Variants in CHSY3 observed in about 807,000 individuals in gnomAD.
CHSY3 encodes the protein N-acetylgalactosaminyl-proteoglycan 3-beta-glucuronosyltransferase 3.
A neutral mutation model predicts 67.2 loss-of-function variants in CHSY3; 35 were observed. That is an observed-to-expected ratio of 0.52 (90% CI 0.40 to 0.69). The LOEUF is 0.69. Ranked by LOEUF, CHSY3 falls within the 30% of genes least tolerant of loss-of-function variation. The pLI, the probability that CHSY3 is intolerant of heterozygous loss-of-function variation, is 0.00. For synonymous variants in CHSY3, 474 were observed against 434.7 expected, an observed-to-expected ratio of 1.09 and a Z score of -1.12; for missense variants, 1,069 against 1,138.5, an observed-to-expected ratio of 0.94 and a Z score of 0.88.
chr5:130,152,969 G>C (rs1421809873), intron 2 of CHSY3, among the ~76,000 whole-genome samples: 1 of 152,166 alleles, frequency 6.6e-6, no homozygotes, highest in Non-Finnish European at 1.5e-5. Context: ...GCTCACACCT[G>C]TAATCAGTCC....
intron 2 of CHSY3, among the ~76,000 whole-genome samples, chr5:130,083,845 T>C (rs1428268550): frequency 6.6e-6 from 1 of 151,984 alleles, no homozygotes; most frequent in Non-Finnish European, 1.5e-5. Flanking sequence ...TTGAGAAGTA[T>C]ACATTTTTTT....
rs55840508 is a variant in CHSY3, at chr5:130,002,788, T to A, written c.1086+94428T>A. On this transcript the variant is annotated intron_variant, in intron 2 of 2. Coordinates refer to ENST00000305031, the MANE Select transcript of CHSY3 (RefSeq NM_175856.5). Reference sequence around the variant, plus strand: ...TAAATATACACAATAAATATTATTTTAAAAAAATAATTAACAGGTATTAAG... The same window carrying A: ...TAAATATACACAATAAATATTATTTAAAAAAAATAATTAACAGGTATTAAG... 7.8e-3 allele frequency among the ~76,000 whole-genome samples: 1,193 copies of A among 152,196 alleles called. 13 individuals are homozygous for A. Among genetic ancestry groups the A allele is most frequent in the African/African-American group, 0.027 (1,133 of 41,544 alleles).
At chr5:130,034,278 T>C (rs1356610043) in intron 2 of CHSY3, among the ~76,000 whole-genome samples, 1 of 152,138 alleles carries the variant, frequency 6.6e-6, no homozygotes, top group African/African-American at 2.4e-5. Flanking sequence ...TAATAGGCTT[T>C]TAGCTATTAA....
At chr5:130,027,929 C>A (rs1002838690) in intron 2 of CHSY3, among the ~76,000 whole-genome samples, 19 of 152,126 alleles carry the variant, frequency 1.2e-4, no homozygotes, top group Non-Finnish European at 2.2e-4. Context: ...CTGCAATAAA[C>A]ATATGTGTGC....
chr5:129,971,133 AG>A (rs1346567991), intron 2 of CHSY3, among the ~76,000 whole-genome samples: 1 of 151,858 alleles, frequency 6.6e-6, no homozygotes, highest in East Asian at 1.9e-4. Flanking sequence ...TGAAAGTGAC[AG>A]GTTTTCAGGA....
rs570736957 is a variant in CHSY3, at chr5:130,181,851, CA to C, written c.1087-2376del. On this transcript the variant is annotated intron_variant, in intron 2 of 2. Coordinates refer to ENST00000305031, the MANE Select transcript of CHSY3 (RefSeq NM_175856.5). ...ATCCATGTTGTTGCAAGTAGTATTT[CA>C]AGTATTTAATTGATGTATTGTTTTT... Among the ~76,000 whole-genome samples, 3 of 152,174 alleles carry C rather than the reference CA, an allele frequency of 2.0e-5. No individual in the cohort carries two copies. The South Asian group carries it at 6.2e-4, about 32-fold the overall frequency.
At position 130,143,784 on chromosome 5, in the gene CHSY3, G is replaced by GTGTATATA. The variant is rs1179526892; in HGVS notation, c.1087-40444_1087-40443insGTATATAT. Among the ~76,000 whole-genome samples the GTGTATATA allele has an allele frequency of 2.6e-4, 19 of 73,832 alleles. No individual in the cohort carries two copies. In the East Asian group the frequency reaches 3.1e-3, roughly 12 times the overall value. The allele number at this position is 73,832 out of a possible 152,430, so 48.4% of individuals were successfully genotyped here. On this transcript the variant is annotated intron_variant, in intron 2 of 2. Transcript: ENST00000305031. ...TGTGTGTGTGTATATATATATATGTGTATATATATATATATATATATGTGT... is the reference window on the plus strand; with the variant it reads ...TGTGTGTGTGTATATATATATATGTGTGTATATATATATATATATATATATATATGTGT...
intron 2 of CHSY3, among the ~76,000 whole-genome samples, chr5:129,961,910 T>C (rs1206701845): frequency 2.0e-5 from 3 of 151,976 alleles, no homozygotes; most frequent in Non-Finnish European, 2.9e-5. Context: ...ACTCTACTCC[T>C]TCCATCCAGA....
intron 2 of CHSY3, among the ~76,000 whole-genome samples, chr5:129,984,067 C>T (rs894744704): frequency 1.3e-5 from 2 of 152,052 alleles, no homozygotes; most frequent in African/African-American, 4.8e-5. Context: ...GGTACATGTA[C>T]AAATTTGTTA....
intron 2 of CHSY3, among the ~76,000 whole-genome samples, chr5:129,924,768 T>C (rs1423246688): frequency 6.6e-6 from 1 of 152,104 alleles, no homozygotes; most frequent in Non-Finnish European, 1.5e-5. Flanking sequence ...TGAATTATTG[T>C]TTTAAGAGAA....
At chr5:130,155,662 G>A (rs1393435856) in intron 2 of CHSY3, among the ~76,000 whole-genome samples, 1 of 152,192 alleles carries the variant, frequency 6.6e-6, no homozygotes, top group Non-Finnish European at 1.5e-5. Flanking sequence ...CAAATAAAAT[G>A]TTTCCAGATG....
chr5:130,026,119 GTTAC>G (rs905507654), intron 2 of CHSY3, among the ~76,000 whole-genome samples: 1 of 152,044 alleles, frequency 6.6e-6, no homozygotes, highest in African/African-American at 2.4e-5. Context: ...ACCAAGGAGA[GTTAC>G]TTGTTTGTAT....
At chr5:130,109,314 C>A (rs1258732270) in intron 2 of CHSY3, among the ~76,000 whole-genome samples, 1 of 151,530 alleles carries the variant, frequency 6.6e-6, no homozygotes, top group Non-Finnish European at 1.5e-5. Flanking sequence ...TAGAGAAGCA[C>A]AAAAATGCCA....
Position 130,184,682 on chromosome 5 carries a change from G to A in CHSY3, c.1540G>A (p.Gly514Arg), listed in dbSNP as rs1274657858. The change falls in exon 3 of 3, where the codon GGA (glycine) becomes AGA (arginine). Residue 514 changes from glycine to arginine, a missense_variant. This residue lies in a region of CHSY3 where 401 missense variants were observed against 395.2 expected (regional missense o/e 1.01). Coordinates refer to ENST00000305031, the MANE Select transcript of CHSY3 (RefSeq NM_175856.5). ...GATCAATGAGAATGCCAAGAGCAGA[G>A]GACGGCTCATTGACTTCAAGGAAAT... ...EMINENAKSR[G>R]RLIDFKEIQY... 6.2e-7 allele frequency: 1 copy of A among 1,607,490 alleles called. No individual in the cohort carries two copies. The highest frequency in any genetic ancestry group is 8.5e-7 in the Non-Finnish European group (1 of 1,174,106).
intron 2 of CHSY3, among the ~76,000 whole-genome samples, chr5:129,975,437 T>C (rs1185413064): frequency 2.6e-5 from 4 of 152,140 alleles, no homozygotes; most frequent in African/African-American, 4.8e-5. Flanking sequence ...AAAGCATTGA[T>C]TGAGAGATGA....
chr5:130,161,695 T>C (rs1279615901), intron 2 of CHSY3, among the ~76,000 whole-genome samples: 1 of 152,168 alleles, frequency 6.6e-6, no homozygotes, highest in African/African-American at 2.4e-5. Context: ...ATGTTTATTC[T>C]ATCTTATCAC....
chr5:130,081,311 A>G (rs1305894326), intron 2 of CHSY3, among the ~76,000 whole-genome samples: 1 of 149,174 alleles, frequency 6.7e-6, no homozygotes, highest in Admixed American at 6.7e-5. Flanking sequence ...GACAGGATAG[A>G]CAGGTGTGTG....
chr5:130,154,719 G>A (rs1233845920), intron 2 of CHSY3, among the ~76,000 whole-genome samples: 1 of 152,168 alleles, frequency 6.6e-6, no homozygotes, highest in African/African-American at 2.4e-5. Context: ...GTTGCTGTGT[G>A]ACTCTCAGAT....
intron 2 of CHSY3, among the ~76,000 whole-genome samples, chr5:130,170,162 TATCTA>T (rs1213305205): frequency 6.6e-6 from 1 of 152,006 alleles, no homozygotes; most frequent in African/African-American, 2.4e-5. Context: ...GAGTCCCTAG[TATCTA>T]TTATTTCCGT....
Sources: gnomAD v4.1 joint callset for allele counts (sites outside exome capture counted in the v4.1 genomes callset) on GRCh38, gnomAD v4.1.1 for gene constraint, gnomAD v4.1.1 regional missense constraint, MANE v1.5 for transcripts, NCBI Gene and HGNC (gene_info 2026-07-23, HGNC 2026-07-21) for gene names.